DNAH6: variants seen among roughly 807,000 people sequenced by gnomAD.
DNAH6 encodes the protein dynein axonemal heavy chain 6.
A neutral mutation model predicts 491.4 loss-of-function variants in DNAH6; 340 were observed. The observed-to-expected ratio is 0.69, with a 90% confidence interval of 0.63 to 0.76. The LOEUF is 0.76. Among genes scored for constraint, DNAH6 ranks in the 30% least tolerant of loss-of-function variants. DNAH6 has a pLI of 0.00. For missense variants in DNAH6, 4,443 were observed against 4,972.2 expected (o/e 0.89, Z 3.20); for synonymous variants, 1,603 against 1,686.1 (o/e 0.95, Z 1.21).
At chr2:84,734,119 T>G (rs1699336785) in intron 62 of DNAH6, among the ~76,000 whole-genome samples, 1 of 151,782 alleles carries the variant, frequency 6.6e-6, no homozygotes, top group Non-Finnish European at 1.5e-5. Flanking sequence ...AGTCTTAATA[T>G]ATAGCCCTTT....
At chr2:84,525,824 A>G in intron 3 of DNAH6, 86 bp downstream of exon 3, 1 of 944,702 alleles carries the variant, frequency 1.1e-6, no homozygotes, top group Non-Finnish European at 1.6e-6. Flanking sequence ...TCATAAGAAT[A>G]GAAGCAAAGT....
chr2:84,561,254 C>A (rs1482154756), intron 11 of DNAH6, among the ~76,000 whole-genome samples: 2 of 152,168 alleles, frequency 1.3e-5, no homozygotes, highest in African/African-American at 4.8e-5. Context: ...ACTATCTGAT[C>A]TTTGACAAAC....
intron 55 of DNAH6, among the ~76,000 whole-genome samples, chr2:84,710,024 G>A (rs1294865094): frequency 6.6e-6 from 1 of 152,198 alleles, no homozygotes; most frequent in Non-Finnish European, 1.5e-5. Context: ...GGAAGCAAGG[G>A]AGACCAACAT....
At chr2:84,471,746 C>T in the DNAH6 span, among the ~76,000 whole-genome samples, 4 of 152,304 alleles carry the variant, frequency 2.6e-5, no homozygotes, top group East Asian at 7.7e-4. Flanking sequence ...ATACCCTTAC[C>T]CCCACGTTAG....
At chr2:84,758,253 G>A (rs1383619085) in intron 63 of DNAH6, among the ~76,000 whole-genome samples, 3 of 152,124 alleles carry the variant, frequency 2.0e-5, no homozygotes, top group African/African-American at 7.2e-5. Flanking sequence ...GCAACCCCAA[G>A]AAATAAGTTA....
the DNAH6 span, among the ~76,000 whole-genome samples, chr2:84,467,190 G>T: frequency 6.6e-6 from 1 of 152,032 alleles, no homozygotes; most frequent in Non-Finnish European, 1.5e-5. Context: ...TTTACAACTT[G>T]CTTAAACCTT....
chr2:84,591,598 T>G (rs769353656), intron 16 of DNAH6, among the ~76,000 whole-genome samples: 8 of 152,144 alleles, frequency 5.3e-5, no homozygotes, highest in Non-Finnish European at 1.0e-4. Flanking sequence ...TAAAGAAATA[T>G]TAAAAACAAA....
intron 62 of DNAH6, among the ~76,000 whole-genome samples, chr2:84,741,311 G>A (rs1332780461): frequency 2.0e-5 from 3 of 152,132 alleles, no homozygotes; most frequent in Non-Finnish European, 4.4e-5. Context: ...CACTGCCCAG[G>A]CAGGCAGCAT....
chr2:84,604,279 C>A (rs1247903514), intron 18 of DNAH6, 60 bp from the exon 19 acceptor site: 11 of 1,347,276 alleles, frequency 8.2e-6, no homozygotes, highest in South Asian at 2.5e-5. Flanking sequence ...GAAACCAGAA[C>A]CTGTGGGTTA....
chr2:84,521,019 T>C (rs2104412148), intron 2 of DNAH6, among the ~76,000 whole-genome samples: 1 of 152,084 alleles, frequency 6.6e-6, no homozygotes. Flanking sequence ...TATTTTTTAT[T>C]TTAATTTTTT....
chr2:84,500,409 A>G, the DNAH6 span, among the ~76,000 whole-genome samples: 35 of 152,304 alleles, frequency 2.3e-4, no homozygotes, highest in Non-Finnish European at 4.7e-4. Context: ...TTATGCCAGT[A>G]CCATGCTGTT....
chr2:84,546,050 A>G (rs752438307), intron 5 of DNAH6, among the ~76,000 whole-genome samples: 1 of 152,150 alleles, frequency 6.6e-6, no homozygotes, highest in Non-Finnish European at 1.5e-5. Flanking sequence ...CTCATTACCC[A>G]TTAGTGGTCA....
the DNAH6 span, among the ~76,000 whole-genome samples, chr2:84,488,674 C>A: frequency 6.6e-6 from 1 of 152,138 alleles, no homozygotes; most frequent in Non-Finnish European, 1.5e-5. Flanking sequence ...ATTGGGCCCG[C>A]CTGAATAATC....
At position 84,521,147 on chromosome 2, in the gene DNAH6, T is replaced by C. The variant is rs1213907869; in HGVS notation, c.225+3096T>C. 3.3e-5 allele frequency among the ~76,000 whole-genome samples: 5 copies of C among 151,926 alleles called. No homozygotes were observed. In the East Asian group the frequency reaches 9.6e-4, roughly 29 times the overall value. On this transcript the variant is annotated intron_variant, in intron 2 of 76. Coordinates refer to ENST00000389394, the MANE Select transcript of DNAH6 (RefSeq NM_001370.2). ...TAATTTACTTTTCTATTTTTTTTAA[T>C]TTTTCAGTAATAGCCATTCTGACTG... is the stretch of plus-strand genomic sequence containing the variant.
intron 21 of DNAH6, among the ~76,000 whole-genome samples, chr2:84,609,696 AT>A (rs1446671111): frequency 6.9e-6 from 1 of 144,250 alleles, no homozygotes; most frequent in Admixed American, 6.9e-5. Context: ...ATAATGTTTA[AT>A]AATAATATTT....
chr2:84,732,857 CAG>C (rs998504252), intron 61 of DNAH6, among the ~76,000 whole-genome samples: 6 of 152,204 alleles, frequency 3.9e-5, no homozygotes. Flanking sequence ...GAACTAGTTT[CAG>C]TCTTACAATC....
chr2:84,751,600 G>A (rs565184290), intron 63 of DNAH6, among the ~76,000 whole-genome samples: 1 of 152,166 alleles, frequency 6.6e-6, no homozygotes, highest in Non-Finnish European at 1.5e-5. Context: ...GGCATCAATA[G>A]TATCAACTTC....
intron 33 of DNAH6, among the ~76,000 whole-genome samples, chr2:84,646,904 G>A (rs1257598082): frequency 6.6e-6 from 1 of 152,224 alleles, no homozygotes; most frequent in African/African-American, 2.4e-5. Flanking sequence ...CTGGAGTGCA[G>A]TAACACAGTC....
rs185921871 is a variant in DNAH6 at position 84,636,436 on chromosome 2, A to G, written c.4654-774A>G. Among the ~76,000 whole-genome samples the G allele has an allele frequency of 3.9e-5, 6 of 152,218 alleles. No homozygotes were observed. The East Asian group carries it at 1.2e-3, about 29-fold the overall frequency. On this transcript the variant is annotated intron_variant, in intron 30 of 76. Coordinates refer to ENST00000389394, the MANE Select transcript of DNAH6 (RefSeq NM_001370.2). ...GCTTTGCACACACCTGCACTGTAGT[A>G]TGTGTTGCACTGTGTGGTCATGGTT... is the stretch of plus-strand genomic sequence containing the variant.
Sources: gnomAD v4.1 joint callset for allele counts (sites outside exome capture counted in the v4.1 genomes callset) on GRCh38, gnomAD v4.1.1 for gene constraint, MANE v1.5 for transcripts, NCBI Gene and HGNC (gene_info 2026-07-23, HGNC 2026-07-21) for gene names.